RBFOX1: variants seen among roughly 807,000 people sequenced by gnomAD.
RBFOX1 encodes the protein RNA binding protein fox-1 homolog 1.
Under a neutral mutation model 57.7 loss-of-function variants are expected in RBFOX1, and 8 were observed. The ratio of observed to expected loss-of-function variants is 0.14; its 90% confidence interval spans 0.08 to 0.25. The LOEUF (loss-of-function observed/expected upper bound fraction) is 0.25, where lower values mean the gene tolerates loss of function less well. Ranked by LOEUF, RBFOX1 falls within the 10% of genes least tolerant of loss-of-function variation. The probability of loss-of-function intolerance (pLI) is 1.00; values close to 1 mark genes in which losing one functional copy is unlikely to be tolerated. For missense variants in RBFOX1, 611 were observed against 548.5 expected (o/e 1.11, Z -1.14); for synonymous variants, 326 against 222.4 (o/e 1.47, Z -4.15).
intron 3 of RBFOX1, among the ~76,000 whole-genome samples, chr16:7,013,947 G>C (rs1373980793): frequency 6.6e-6 from 1 of 152,002 alleles, no homozygotes; most frequent in African/African-American, 2.4e-5. Context: ...TTTGAGCCAC[G>C]GCGCTTGGCT....
chr16:7,325,730 G>A (rs180999113), intron 4 of RBFOX1, among the ~76,000 whole-genome samples: 7 of 152,296 alleles, frequency 4.6e-5, no homozygotes, highest in African/African-American at 1.7e-4. Context: ...TTCCCATCTT[G>A]ATAATTTGAT....
chr16:5,464,205 A>G (rs1014388580), intron 1 of RBFOX1, among the ~76,000 whole-genome samples: 1 of 152,180 alleles, frequency 6.6e-6, no homozygotes, highest in African/African-American at 2.4e-5. Context: ...ACCCATGTGG[A>G]GAGGCCAAGA....
At chr16:6,940,536 C>G (rs980871849) in intron 3 of RBFOX1, among the ~76,000 whole-genome samples, 1 of 152,134 alleles carries the variant, frequency 6.6e-6, no homozygotes, top group Non-Finnish European at 1.5e-5. Context: ...TGAAATTCCT[C>G]TAAATCTAAT....
At chr16:6,361,164 T>G (rs1438802743) in intron 2 of RBFOX1, among the ~76,000 whole-genome samples, 1 of 152,100 alleles carries the variant, frequency 6.6e-6, no homozygotes, top group Non-Finnish European at 1.5e-5. Context: ...TCAGGTTATG[T>G]GTCTCAATCA....
intron 3 of RBFOX1, among the ~76,000 whole-genome samples, chr16:5,753,975 C>G (rs561097351): frequency 6.6e-6 from 1 of 152,138 alleles, no homozygotes; most frequent in African/African-American, 2.4e-5. Flanking sequence ...AGCCTCTCCA[C>G]GTAGCCTTTC....
chr16:7,029,138 ATG>A (rs1491346861), intron 3 of RBFOX1, among the ~76,000 whole-genome samples: 1 of 94,238 alleles, frequency 1.1e-5, no homozygotes, highest in South Asian at 4.7e-4. Flanking sequence ...GTATATATAT[ATG>A]TGTATATATG....
intron 14 of RBFOX1, among the ~76,000 whole-genome samples, chr16:7,704,039 T>C (rs552869328): frequency 1.3e-5 from 2 of 152,148 alleles, no homozygotes; most frequent in African/African-American, 2.4e-5. Flanking sequence ...TGAATGCACC[T>C]TGAGTTAGGT....
chr16:7,063,646 A>C (rs1039880372), intron 4 of RBFOX1, among the ~76,000 whole-genome samples: 3 of 152,178 alleles, frequency 2.0e-5, no homozygotes, highest in African/African-American at 4.8e-5. Context: ...TTGGCCCTTC[A>C]TATCTGTAGG....
intron 4 of RBFOX1, among the ~76,000 whole-genome samples, chr16:7,289,595 T>C (rs954520335): frequency 2.0e-5 from 3 of 152,074 alleles, no homozygotes; most frequent in African/African-American, 7.2e-5. Flanking sequence ...ATTACTACCA[T>C]CACTTTCATC....
chr16:7,500,661 C>T (rs922132521), intron 4 of RBFOX1, among the ~76,000 whole-genome samples: 12 of 152,198 alleles, frequency 7.9e-5, no homozygotes, highest in African/African-American at 2.4e-4. Context: ...TGGCTCTCAG[C>T]TTCTTCCACT....
intron 4 of RBFOX1, among the ~76,000 whole-genome samples, chr16:7,338,015 G>A (rs962152016): frequency 3.3e-5 from 5 of 152,170 alleles, no homozygotes; most frequent in African/African-American, 1.2e-4. Context: ...TTCTGGGTTT[G>A]TGCATCATTT....
chr16:6,984,469 C>T (rs1198265935), intron 3 of RBFOX1, among the ~76,000 whole-genome samples: 1 of 152,110 alleles, frequency 6.6e-6, no homozygotes, highest in African/African-American at 2.4e-5. Context: ...ATGGATGAAG[C>T]CACTGTTAGG....
chr16:6,520,646 G>C (rs1052011362), intron 2 of RBFOX1, among the ~76,000 whole-genome samples: 1 of 152,168 alleles, frequency 6.6e-6, no homozygotes, highest in Non-Finnish European at 1.5e-5. Flanking sequence ...GACTATCTTT[G>C]AAAAGGGCAG....
At chr16:5,831,938 G>A (rs1483361349) in intron 3 of RBFOX1, among the ~76,000 whole-genome samples, 1 of 152,172 alleles carries the variant, frequency 6.6e-6, no homozygotes, top group Middle Eastern at 3.2e-3. Context: ...TCGGCACATG[G>A]TAAGTATTCA....
chr16:7,350,516 C>G (rs73565831), intron 4 of RBFOX1, among the ~76,000 whole-genome samples: 4,989 of 152,228 alleles, frequency 0.033, 182 homozygotes, highest in African/African-American at 0.088. Context: ...AGTAGGAGAA[C>G]ACTATGATCT....
At chr16:7,030,076 C>T (rs189126576) in intron 3 of RBFOX1, among the ~76,000 whole-genome samples, 46 of 152,080 alleles carry the variant, frequency 3.0e-4, no homozygotes, top group African/African-American at 1.0e-3. Flanking sequence ...GAAAGTAAAA[C>T]ATTATTACAA....
intron 3 of RBFOX1, among the ~76,000 whole-genome samples, chr16:6,669,061 G>T (rs942811737): frequency 6.6e-6 from 1 of 152,176 alleles, no homozygotes; most frequent in Non-Finnish European, 1.5e-5. Flanking sequence ...ACTTTAGATA[G>T]AAAGCATGCC....
chr16:5,691,508 G>A (rs74731614), intron 3 of RBFOX1, among the ~76,000 whole-genome samples: 1 of 152,186 alleles, frequency 6.6e-6, no homozygotes, highest in Non-Finnish European at 1.5e-5. Context: ...TTGTGTGTGT[G>A]TACAGGTTGA....
chr16:5,782,813 C>G (rs1433886014), intron 3 of RBFOX1, among the ~76,000 whole-genome samples: 2 of 152,164 alleles, frequency 1.3e-5, no homozygotes, highest in Non-Finnish European at 2.9e-5. Flanking sequence ...ACCAGGGAAG[C>G]TGATGTTGTA....
Sources: allele counts gnomAD v4.1 joint callset (sites outside exome capture counted in the v4.1 genomes callset), GRCh38; gene constraint gnomAD v4.1.1; transcripts MANE v1.5; gene names NCBI Gene and HGNC (gene_info 2026-07-23, HGNC 2026-07-21).